The following RTCA variants were observed in gnomAD, a reference collection of about 807,000 sequenced individuals.
RTCA encodes the protein RNA terminal phosphate cyclase domain 1.
A neutral mutation model predicts 46.1 loss-of-function variants in RTCA; 37 were observed. The ratio of observed to expected loss-of-function variants is 0.80; its 90% CI spans 0.62 to 1.06. RTCA has a LOEUF of 1.06. RTCA is among the 50% of genes least tolerant of loss of function. The pLI, the probability that RTCA is intolerant of heterozygous loss-of-function variation, is 0.00. For synonymous variants in RTCA, 164 were observed against 158.3 expected, an observed-to-expected ratio of 1.04 and a Z score of -0.27; for missense variants, 435 against 455.5, an observed-to-expected ratio of 0.95 and a Z score of 0.41.
chr1:100,291,584 C>G lies in RTCA; in HGVS notation c.*80C>G, dbSNP rs371110854. On this transcript the variant is annotated 3_prime_UTR_variant, in exon 11 of 11. Transcript: ENST00000370128. Reference sequence around the variant, plus strand: ...CTATAAAATAATGACTAGGAAGTAACTTATTAAAGGCTATGACTTAAATTT... The same window carrying G: ...CTATAAAATAATGACTAGGAAGTAAGTTATTAAAGGCTATGACTTAAATTT... 2.3e-6 allele frequency: 2 copies of G among 880,930 alleles called. No individual in the cohort carries two copies. The highest frequency in any genetic ancestry group is 3.4e-5 in the South Asian group (2 of 59,182). The allele number at this position is 880,930 out of a possible 1,614,324, so 54.6% of individuals were successfully genotyped here. A position where few individuals can be genotyped will look rare whatever the true frequency, so the allele number is the denominator to read the frequency against.
At chr1:100,267,063 C>T (rs1283407914) in intron 2 of RTCA, 1 of 218,218 alleles carries the variant, frequency 4.6e-6, no homozygotes, top group Admixed American at 5.2e-5. Flanking sequence ...GATGTGTTAT[C>T]CCAGCCTTCA....
At chr1:100,287,270 T>C in intron 10 of RTCA, 67 bp downstream of exon 10, 1 of 1,144,558 alleles carries the variant, frequency 8.7e-7, no homozygotes, top group Non-Finnish European at 1.2e-6. Context: ...TGGGTTAAAT[T>C]TTAATAGGAA....
chr1:100,287,261 G>T, intron 10 of RTCA, 58 bp downstream of exon 10: 1 of 1,293,648 alleles, frequency 7.7e-7, no homozygotes, highest in South Asian at 1.5e-5. Context: ...AGCCAATTTT[G>T]GGTTAAATTT....
At chr1:100,274,423 G>A (rs1369873892) in intron 5 of RTCA, among the ~76,000 whole-genome samples, 1 of 152,206 alleles carries the variant, frequency 6.6e-6, no homozygotes, top group Non-Finnish European at 1.5e-5. Flanking sequence ...GAACAATATA[G>A]GTAAGTCTAG....
intron 8 of RTCA, among the ~76,000 whole-genome samples, chr1:100,280,648 T>C (rs1389437108): frequency 3.9e-5 from 6 of 152,188 alleles, no homozygotes; most frequent in Non-Finnish European, 8.8e-5. Context: ...TCAGAGAGAA[T>C]GTCATGACCT....
chr1:100,284,362 A>G (rs1666909098), intron 8 of RTCA, among the ~76,000 whole-genome samples: 1 of 152,032 alleles, frequency 6.6e-6, no homozygotes, highest in Admixed American at 6.6e-5. Context: ...TTTTTTACAT[A>G]AAATGTAATT....
At position 100,275,649 on chromosome 1, in the gene RTCA, C is replaced by G; in HGVS notation, c.666C>G (p.Ile222Met). The G allele has an allele frequency of 6.2e-7, 1 of 1,612,184 alleles. No homozygotes were observed. Among genetic ancestry groups the G allele is most frequent in the Non-Finnish European group, 8.5e-7 (1 of 1,179,010 alleles). Residue 222 changes from isoleucine (I) to methionine (M), a missense_variant, in exon 7 of 11, where the codon ATC becomes ATG. Ile to Met is a conservative substitution (Grantham distance 10). Transcript: ENST00000370128. ...CAGTTAGATGCATCAGAAAGGAGATCCGGGATTTGTATGTTAACATCCAGC... is the reference window on the plus strand; with the variant it reads ...CAGTTAGATGCATCAGAAAGGAGATGCGGGATTTGTATGTTAACATCCAGC... ...AAAVRCIRKE[I>M]RDLYVNIQPV...
At chr1:100,279,591 A>G (rs60919209) in intron 8 of RTCA, among the ~76,000 whole-genome samples, 2,711 of 152,096 alleles carry the variant, frequency 0.018, 90 homozygotes, top group African/African-American at 0.063. Context: ...CCTGGCCAAC[A>G]TGGCAAGATT....
intron 8 of RTCA, among the ~76,000 whole-genome samples, chr1:100,283,075 G>C (rs1557978951): frequency 6.6e-6 from 1 of 151,920 alleles, no homozygotes; most frequent in Non-Finnish European, 1.5e-5. Flanking sequence ...GGGATTACAG[G>C]CGTGAGCCAC....
intron 5 of RTCA, 87 bp downstream of exon 5, chr1:100,273,539 G>T: frequency 1.3e-6 from 1 of 741,276 alleles, no homozygotes; most frequent in Non-Finnish European, 2.1e-6. Context: ...CTGTCTTTCT[G>T]GTACCCACTT....
chr1:100,273,522 T>TA, intron 5 of RTCA, 70 bp downstream of exon 5: 1 of 912,042 alleles, frequency 1.1e-6, no homozygotes, highest in Non-Finnish European at 1.6e-6. Flanking sequence ...GTTAGACCCT[T>TA]AGAGAACTGT....
intron 3 of RTCA, 53 bp from the exon 4 acceptor site, chr1:100,270,504 A>G (rs1666024506): frequency 6.3e-7 from 1 of 1,597,646 alleles, no homozygotes; most frequent in South Asian, 1.1e-5. Flanking sequence ...AAGAGTTTGA[A>G]AAGAAAATGC....
chr1:100,277,451 T>G, intron 8 of RTCA, 135 bp downstream of exon 8: 1 of 824,974 alleles, frequency 1.2e-6, no homozygotes, highest in Non-Finnish European at 1.8e-6. Flanking sequence ...TAGAGTCAAT[T>G]ACACTTTCAG....
intron 10 of RTCA, 96 bp from the exon 11 acceptor site, chr1:100,291,307 G>T: frequency 2.9e-6 from 2 of 695,440 alleles, no homozygotes; most frequent in South Asian, 2.0e-5. Flanking sequence ...CAATAAAATG[G>T]GCTTGACATT....
At chr1:100,288,831 T>C (rs1667171719) in intron 10 of RTCA, among the ~76,000 whole-genome samples, 1 of 152,176 alleles carries the variant, frequency 6.6e-6, no homozygotes, top group Non-Finnish European at 1.5e-5. Context: ...TTTTCTTTTT[T>C]TTTTTCTTAA....
Position 100,281,941 on chromosome 1 carries a change from C to T in RTCA, c.800-3287C>T, listed in dbSNP as rs114509274. The stretch of plus-strand genomic sequence containing the variant: ...GTGTTGGCCAGGCTGGTTTCGAACT[C>T]CTGACCTCAAGTAATCTGCCTCCCA... On this transcript the variant is annotated intron_variant, in intron 8 of 10. Coordinates refer to ENST00000370128, the MANE Select transcript of RTCA (RefSeq NM_003729.4). Among the ~76,000 whole-genome samples, 471 of 152,196 alleles carry T rather than the reference C, an allele frequency of 3.1e-3. 2 individuals carry two copies. Among genetic ancestry groups the T allele is most frequent in the Non-Finnish European group, 5.3e-3 (358 of 68,006 alleles).
At position 100,270,681 on chromosome 1, in the gene RTCA, G is replaced by A; in HGVS notation, c.414+1G>A. 1 of 1,613,484 alleles carries A rather than the reference G, an allele frequency of 6.2e-7. No homozygotes were observed. The highest frequency in any genetic ancestry group is 1.1e-5 in the South Asian group (1 of 90,934). On this transcript the variant is annotated splice_donor_variant, in intron 4 of 10. Coordinates refer to ENST00000370128, the MANE Select transcript of RTCA (RefSeq NM_003729.4). LOFTEE classifies it high-confidence loss of function. ...ACCACAGATCGATTATACAGTGATG[G>A]TAAGGGCTTTTGTTGTTGACAAACT...
chr1:100,290,785 A>C (rs1488976335), intron 10 of RTCA, among the ~76,000 whole-genome samples: 1 of 152,132 alleles, frequency 6.6e-6, no homozygotes, highest in Non-Finnish European at 1.5e-5. Flanking sequence ...ACAAAAACAA[A>C]AGCAAAATAC....
chr1:100,267,996 T>A (rs4298755), intron 2 of RTCA, 156 bp from the exon 3 acceptor site: 1 of 1,102,334 alleles, frequency 9.1e-7, no homozygotes, highest in Non-Finnish European at 1.3e-6. Flanking sequence ...TCTAGGTGCA[T>A]AAAAACCCAA....
Sources: allele counts gnomAD v4.1 joint callset (sites outside exome capture counted in the v4.1 genomes callset), GRCh38; gene constraint gnomAD v4.1.1; transcripts MANE v1.5; gene names NCBI Gene and HGNC (gene_info 2026-07-23, HGNC 2026-07-21).